Variants in OSBP2 observed in about 807,000 individuals in gnomAD.
OSBP2 encodes oxysterol-binding protein 2.
In OSBP2, 66 loss-of-function variants were observed where a neutral mutation model predicts 96.0. The ratio of observed to expected loss-of-function variants is 0.69; its 90% CI spans 0.56 to 0.84. The LOEUF (loss-of-function observed/expected upper bound fraction) is 0.84. OSBP2 is among the 40% of genes least tolerant of loss of function. OSBP2 has a pLI of 0.00. For missense variants in OSBP2, 1,038 were observed against 1,222.7 expected (o/e 0.85, Z 2.25); for synonymous variants, 525 against 520.9 (o/e 1.01, Z -0.11).
At chr22:30,812,016 T>C (rs984632870) in intron 2 of OSBP2, among the ~76,000 whole-genome samples, 1 of 151,498 alleles carries the variant, frequency 6.6e-6, no homozygotes, top group Admixed American at 6.6e-5. Context: ...CAACCACACC[T>C]GGCTAATTTT....
intron 2 of OSBP2, among the ~76,000 whole-genome samples, chr22:30,781,125 G>A (rs913122303): frequency 4.0e-5 from 6 of 150,254 alleles, no homozygotes; most frequent in Admixed American, 2.7e-4. Context: ...ACAGGCATCC[G>A]CCACCATGCC....
At chr22:30,905,728 G>A in intron 12 of OSBP2, 109 bp from the exon 13 acceptor site, 1 of 1,422,834 alleles carries the variant, frequency 7.0e-7, no homozygotes, top group Non-Finnish European at 9.2e-7. Flanking sequence ...CGGGGAGCTG[G>A]AGGGTGAGGC....
At chr22:30,762,513 G>T (rs2090219286) in intron 2 of OSBP2, among the ~76,000 whole-genome samples, 1 of 151,990 alleles carries the variant, frequency 6.6e-6, no homozygotes, top group Non-Finnish European at 1.5e-5. Context: ...CTGCACTCCA[G>T]CCTGGGCAAC....
At chr22:30,801,701 G>A (rs185221446) in intron 2 of OSBP2, among the ~76,000 whole-genome samples, 8 of 152,272 alleles carry the variant, frequency 5.3e-5, no homozygotes, top group East Asian at 3.9e-4. Context: ...GGGCTGGGGC[G>A]GTGGCTTATA....
intron 2 of OSBP2, among the ~76,000 whole-genome samples, chr22:30,782,422 C>T (rs2090530101): frequency 6.6e-6 from 1 of 151,984 alleles, no homozygotes; most frequent in South Asian, 2.1e-4. Flanking sequence ...GAATTCCTGA[C>T]CTTAGGTGAT....
At chr22:30,704,517 ATT>A (rs34976215) in intron 1 of OSBP2, among the ~76,000 whole-genome samples, 108 of 143,184 alleles carry the variant, frequency 7.5e-4, no homozygotes, top group Admixed American at 1.1e-3. Context: ...AGGAAAGCAG[ATT>A]TTTTTTTTTT....
chr22:30,847,478 C>T (rs1488037313), intron 2 of OSBP2, among the ~76,000 whole-genome samples: 2 of 152,012 alleles, frequency 1.3e-5, no homozygotes, highest in Non-Finnish European at 2.9e-5. Flanking sequence ...GATGGGATTT[C>T]ACCATGTCGG....
At chr22:30,751,514 C>A (rs2090073622) in intron 2 of OSBP2, among the ~76,000 whole-genome samples, 2 of 152,092 alleles carry the variant, frequency 1.3e-5, no homozygotes, top group African/African-American at 4.8e-5. Context: ...ACCACCACGC[C>A]TGGCTAGTTT....
At chr22:30,834,974 C>A (rs1437128135) in intron 2 of OSBP2, among the ~76,000 whole-genome samples, 2 of 151,920 alleles carry the variant, frequency 1.3e-5, no homozygotes, top group Non-Finnish European at 2.9e-5. Flanking sequence ...CACCACCACA[C>A]CTGGCTAATT....
At chr22:30,701,862 A>G (rs1402017685) in intron 1 of OSBP2, among the ~76,000 whole-genome samples, 6 of 152,200 alleles carry the variant, frequency 3.9e-5, no homozygotes, top group African/African-American at 1.4e-4. Flanking sequence ...CCGAAAAGGA[A>G]TGCACAGGTT....
At chr22:30,820,728 A>G (rs1181674247) in intron 2 of OSBP2, among the ~76,000 whole-genome samples, 1 of 152,088 alleles carries the variant, frequency 6.6e-6, no homozygotes, top group East Asian at 1.9e-4. Flanking sequence ...TGTTCTCAAC[A>G]CTCTATCGCT....
intron 2 of OSBP2, among the ~76,000 whole-genome samples, chr22:30,847,508 C>G (rs1169336113): frequency 6.6e-6 from 1 of 152,152 alleles, no homozygotes; most frequent in Non-Finnish European, 1.5e-5. Context: ...TCTCGAACTC[C>G]TGACCTCGTG....
At chr22:30,831,325 C>T (rs1442848566) in intron 2 of OSBP2, among the ~76,000 whole-genome samples, 1 of 152,220 alleles carries the variant, frequency 6.6e-6, no homozygotes, top group African/African-American at 2.4e-5. Context: ...AGTGTCCTTA[C>T]TAGTTCAGTT....
chr22:30,803,474 G>A (rs1329151432), intron 2 of OSBP2, among the ~76,000 whole-genome samples: 1 of 152,334 alleles, frequency 6.6e-6, no homozygotes, highest in Non-Finnish European at 1.5e-5. Context: ...AGGAAAAGCT[G>A]TTTGCCCAGG....
intron 12 of OSBP2, 74 bp downstream of exon 12, chr22:30,894,075 C>T (rs1171556136): frequency 2.2e-6 from 3 of 1,368,818 alleles, no homozygotes; most frequent in Middle Eastern, 2.1e-4. Context: ...AAGCAACTGA[C>T]AGGCACAGGA....
intron 2 of OSBP2, among the ~76,000 whole-genome samples, chr22:30,826,230 A>G (rs988621446): frequency 1.4e-4 from 22 of 152,154 alleles, no homozygotes; most frequent in African/African-American, 5.3e-4. Flanking sequence ...AGCTTGCCAA[A>G]GTGCACTGTC....
At chr22:30,814,463 C>T (rs1271335047) in intron 2 of OSBP2, among the ~76,000 whole-genome samples, 4 of 146,888 alleles carry the variant, frequency 2.7e-5, no homozygotes, top group African/African-American at 1.0e-4. Context: ...GATGGAGTCT[C>T]ACTCTGTCAC....
At chr22:30,720,512 CAG>C (rs1378990059) in intron 1 of OSBP2, among the ~76,000 whole-genome samples, 4 of 152,184 alleles carry the variant, frequency 2.6e-5, no homozygotes, top group African/African-American at 7.2e-5. Flanking sequence ...CGAGCCAAGA[CAG>C]AGTTAGGCAG....
rs2145751046 is a variant in OSBP2, at chr22:30,748,173, A to G, written c.853+6804A>G. On this transcript the variant is annotated intron_variant, in intron 2 of 13. Coordinates refer to ENST00000332585, the MANE Select transcript of OSBP2 (RefSeq NM_030758.4). ...ATTACAGCCATGAGCCACCACACCC[A>G]GCCTATTTTTATTTATTTATTTATT... Among the ~76,000 whole-genome samples the G allele has an allele frequency of 2.0e-5, 3 of 149,302 alleles. No homozygotes were observed. The South Asian group carries it at 6.4e-4, about 32-fold the overall frequency.
Sources: gnomAD v4.1 joint callset for allele counts (sites outside exome capture counted in the v4.1 genomes callset) on GRCh38, gnomAD v4.1.1 for gene constraint, MANE v1.5 for transcripts, NCBI Gene and HGNC (gene_info 2026-07-23, HGNC 2026-07-21) for gene names.